The following SPIRE2 variants were observed in gnomAD, a reference collection of about 807,000 sequenced individuals.
The protein encoded by SPIRE2 is protein spire homolog 2.
In SPIRE2, 76 loss-of-function variants were observed where a neutral mutation model predicts 80.7. The ratio of observed to expected loss-of-function variants is 0.94; its 90% CI spans 0.78 to 1.14. The LOEUF (loss-of-function observed/expected upper bound fraction) is 1.14. Among genes scored for constraint, SPIRE2 ranks in the 50% most tolerant of loss-of-function variants. The pLI is 0.00. For synonymous variants in SPIRE2, 535 were observed against 432.6 expected (o/e 1.24, Z -2.94); for missense variants, 1,196 against 1,015.3 (o/e 1.18, Z -2.42).
chr16:89,850,220 C>T (rs748448538), intron 2 of SPIRE2, 84 bp from the exon 3 acceptor site: 6 of 1,155,618 alleles, frequency 5.2e-6, no homozygotes, highest in South Asian at 3.9e-5. Context: ...TGGCCGGGTG[C>T]TGGGCCCTCT....
intron 1 of SPIRE2, among the ~76,000 whole-genome samples, chr16:89,840,682 C>A (rs1194769397): frequency 7.0e-6 from 1 of 142,398 alleles, no homozygotes; most frequent in Non-Finnish European, 1.5e-5. Flanking sequence ...GTCGCCCAGG[C>A]TGGAGTGCAA....
At chr16:89,838,927 A>G (rs868388908) in intron 1 of SPIRE2, among the ~76,000 whole-genome samples, 1 of 149,130 alleles carries the variant, frequency 6.7e-6, no homozygotes, top group South Asian at 2.3e-4. Flanking sequence ...ACGGGGTTTC[A>G]CCATGTTGGC....
intron 2 of SPIRE2, 101 bp from the exon 3 acceptor site, chr16:89,850,203 G>A (rs2041608617): frequency 3.2e-6 from 3 of 947,142 alleles, no homozygotes; most frequent in Non-Finnish European, 4.9e-6. Context: ...GACAGCTGCT[G>A]TCTCCCTGGC....
intron 8 of SPIRE2, 57 bp from the exon 9 acceptor site, chr16:89,859,108 G>T (rs529952930): frequency 1.4e-6 from 2 of 1,443,320 alleles, no homozygotes; most frequent in African/African-American, 2.9e-5. Flanking sequence ...TTCCAGGCAT[G>T]GGCAGGAGGC....
At chr16:89,862,072 C>A (rs1056028875) in intron 10 of SPIRE2, 1 of 150,740 alleles carries the variant, frequency 6.6e-6, no homozygotes, top group Non-Finnish European at 1.5e-5. Context: ...GGCGCCATCT[C>A]GGCTCACTGC....
intron 9 of SPIRE2, among the ~76,000 whole-genome samples, chr16:89,859,851 C>T (rs2041727156): frequency 6.6e-6 from 1 of 152,118 alleles, no homozygotes; most frequent in Admixed American, 6.5e-5. Context: ...AGAGCCCTCG[C>T]GACTCAGGGT....
At chr16:89,841,403 A>T (rs2041504138) in intron 1 of SPIRE2, among the ~76,000 whole-genome samples, 1 of 152,076 alleles carries the variant, frequency 6.6e-6, no homozygotes, top group African/African-American at 2.4e-5. Context: ...TTTTTTAGAT[A>T]AGCAAAAGGT....
chr16:89,860,570 C>T (rs1390512555), intron 9 of SPIRE2, 113 bp from the exon 10 acceptor site: 9 of 716,454 alleles, frequency 1.3e-5, no homozygotes, highest in Admixed American at 2.4e-5. Flanking sequence ...CTCCCCTTGA[C>T]CTTTTGCTTG....
rs760965764 is a variant in SPIRE2, at chr16:89,855,587, G to T, written c.892-13G>T. 1 of 1,611,144 alleles carries T rather than the reference G, an allele frequency of 6.2e-7. No individual in the cohort carries two copies. The highest frequency in any genetic ancestry group is 2.2e-5 in the East Asian group (1 of 44,872). On this transcript the variant is annotated splice_polypyrimidine_tract_variant and intron_variant, in intron 5 of 14. Transcript: ENST00000378247. ...GTCCCTGCAGGGCCTCAGATCAGCCGTCCTCCCCGCAGGTGGATGGGGACA... is the reference window on the plus strand; with the variant it reads ...GTCCCTGCAGGGCCTCAGATCAGCCTTCCTCCCCGCAGGTGGATGGGGACA...
chr16:89,863,447 A>G lies in SPIRE2; in HGVS notation c.1576-29A>G. On this transcript the variant is annotated intron_variant, in intron 10 of 14. Coordinates refer to ENST00000378247, the MANE Select transcript of SPIRE2 (RefSeq NM_032451.2). This position sits in a 1 kb window ranked among gnomAD's most constrained non-coding sequence, Gnocchi z 4.3. Reference sequence around the variant, plus strand: ...TAAGCTAGGGGAGCCTCCTGCATAGAAGACTTCCTACCTGAGGCCGTCCCC... The same window carrying G: ...TAAGCTAGGGGAGCCTCCTGCATAGGAGACTTCCTACCTGAGGCCGTCCCC... 6.2e-7 allele frequency: 1 copy of G among 1,613,344 alleles called. No individual in the cohort carries two copies.
rs546856979 is a variant in SPIRE2 at position 89,869,864 on chromosome 16, CTG to C, written c.1922+183_1922+184del. On this transcript the variant is annotated intron_variant, in intron 14 of 14. Transcript: ENST00000378247. ...GAGGCTGAGCAGTATGAGATGGAAA[CTG>C]GACTTGGGTGGTCAGGGAACAGTCT... is the stretch of plus-strand genomic sequence containing the variant. 1.6e-4 allele frequency among the ~76,000 whole-genome samples: 25 copies of C among 151,884 alleles called. 1 individual carries two copies. Among genetic ancestry groups the C allele is most frequent in the Non-Finnish European group, 3.4e-4 (23 of 67,960 alleles).
chr16:89,850,050 C>A, intron 2 of SPIRE2: 2 of 610,990 alleles, frequency 3.3e-6, no homozygotes, highest in Non-Finnish European at 6.1e-6. Context: ...GTTGGTCAGG[C>A]TGGTCTTGAA....
At chr16:89,861,675 C>T (rs981890266) in intron 10 of SPIRE2, among the ~76,000 whole-genome samples, 3 of 152,192 alleles carry the variant, frequency 2.0e-5, no homozygotes, top group African/African-American at 4.8e-5. Context: ...CAGGGTCTTT[C>T]GTGAGGCTGC....
chr16:89,865,998 G>T (rs2041786276), intron 12 of SPIRE2, among the ~76,000 whole-genome samples: 1 of 149,684 alleles, frequency 6.7e-6, no homozygotes, highest in African/African-American at 2.5e-5. Flanking sequence ...GGTAAGGCTG[G>T]ATATGGTGGA....
intron 1 of SPIRE2, among the ~76,000 whole-genome samples, chr16:89,843,144 C>G (rs891324291): frequency 2.0e-5 from 3 of 152,194 alleles, no homozygotes; most frequent in African/African-American, 7.2e-5. Context: ...TGCATCCCAC[C>G]CAGCGCAGCA....
chr16:89,855,742 T>C, intron 6 of SPIRE2, 56 bp downstream of exon 6: 11 of 1,551,680 alleles, frequency 7.1e-6, no homozygotes, highest in Non-Finnish European at 8.8e-6. Context: ...TGCTGTCCTG[T>C]AGCCAGCCTG....
At chr16:89,857,817 G>A (rs907385306) in intron 7 of SPIRE2, among the ~76,000 whole-genome samples, 11 of 150,798 alleles carry the variant, frequency 7.3e-5, no homozygotes, top group Admixed American at 5.3e-4. Flanking sequence ...TGATCCACCC[G>A]CATCAGCCTC....
intron 1 of SPIRE2, among the ~76,000 whole-genome samples, chr16:89,843,898 G>C (rs902103802): frequency 3.4e-5 from 5 of 145,382 alleles, no homozygotes; most frequent in Admixed American, 7.0e-5. Flanking sequence ...ATGAGGTTTC[G>C]ATATGTGGCC....
At position 89,868,204 on chromosome 16, in the gene SPIRE2, C is replaced by T. The variant is rs770022294; in HGVS notation, c.1794C>T (p.Ser598=). The T allele has an allele frequency of 1.1e-5, 17 of 1,614,066 alleles. 1 individual carries two copies. In the Admixed American group the frequency reaches 2.8e-4, roughly 27 times the overall value. The change falls in exon 13 of 15, where the codon TCC becomes TCT. Residue 598 remains serine (S), a synonymous_variant. Transcript: ENST00000378247. ...TCCCTTCCAGAGCCGTCTGCACTTC[C>T]TGTAGCATAAAGGTGAGGACCATGT... is the stretch of plus-strand genomic sequence containing the variant. ...CLFCKRAVCT[S]CSIKMKMPSK... is the part of the protein sequence containing the mutation.
Sources: gnomAD v4.1 joint callset for allele counts (sites outside exome capture counted in the v4.1 genomes callset) on GRCh38, gnomAD v4.1.1 for gene constraint, Gnocchi (gnomAD v3.1) non-coding constraint, MANE v1.5 for transcripts, NCBI Gene and HGNC (gene_info 2026-07-23, HGNC 2026-07-21) for gene names.